The following TRIM49C variants were observed in gnomAD, a reference collection of about 807,000 sequenced individuals.
TRIM49C encodes the protein tripartite motif containing 49C.
Under a neutral mutation model 21.4 loss-of-function variants are expected in TRIM49C, and 6 were observed. The observed-to-expected ratio is 0.28, with a 90% confidence interval of 0.15 to 0.55. The LOEUF (loss-of-function observed/expected upper bound fraction) is 0.55, where lower values mean the gene tolerates loss of function less well. TRIM49C is among the 20% of genes least tolerant of loss of function. TRIM49C has a pLI of 0.94. For missense variants in TRIM49C, 161 were observed against 442.4 expected (o/e 0.36, Z 5.71); for synonymous variants, 57 against 148.1 (o/e 0.38, Z 4.47).
the TRIM49C span, among the ~76,000 whole-genome samples, chr11:90,064,294 A>G: frequency 1.3e-5 from 2 of 151,618 alleles, no homozygotes; most frequent in East Asian, 3.9e-4. Context: ...GTCAATTCAG[A>G]TGATTAGAGA....
chr11:90,070,593 T>A, the TRIM49C span, among the ~76,000 whole-genome samples: 1 of 139,692 alleles, frequency 7.2e-6, no homozygotes, highest in Middle Eastern at 3.6e-3. Flanking sequence ...CTCCTCTCCA[T>A]GAGCGGTAGA....
At chr11:90,070,118 C>T in the TRIM49C span, among the ~76,000 whole-genome samples, 2 of 87,172 alleles carry the variant, frequency 2.3e-5, no homozygotes, top group African/African-American at 9.6e-5. Flanking sequence ...ACCCTACAAA[C>T]GTGCTCAACT....
chr11:90,055,016 A>G, the TRIM49C span, among the ~76,000 whole-genome samples: 3 of 149,624 alleles, frequency 2.0e-5, no homozygotes, highest in African/African-American at 7.4e-5. Flanking sequence ...AAAAGCTCAC[A>G]AACCATAGGA....
chr11:90,041,096 T>A lies in TRIM49C; in HGVS notation c.905T>A (p.Leu302Gln). Residue 302 changes from leucine to glutamine, a missense_variant, in exon 8 of 8, where the codon CTG becomes CAG. Around this residue, in one of 3 missense-constraint regions of TRIM49C, gnomAD observed 80 missense variants for 314.8 expected, o/e 0.25. Transcript: ENST00000448984. ...HHEEANSDIFLYEILRSMCIG... is the reference protein window; with the variant it reads ...HHEEANSDIFQYEILRSMCIG... ...GAAGAAGCCAACAGTGATATCTTTC[T>A]GTATGAAATTTTGAGAAGCATGTGT... The A allele has an allele frequency of 6.3e-7, 1 of 1,594,164 alleles. No individual in the cohort carries two copies. The highest frequency in any genetic ancestry group is 8.6e-7 in the Non-Finnish European group (1 of 1,167,988).
intron 2 of TRIM49C, among the ~76,000 whole-genome samples, chr11:90,033,902 C>CG (rs1360648630): frequency 8.1e-6 from 1 of 124,192 alleles, no homozygotes; most frequent in Non-Finnish European, 1.7e-5. Flanking sequence ...GCCGAGATCA[C>CG]GCCACTGCAT....
chr11:90,048,037 T>G, the TRIM49C span, among the ~76,000 whole-genome samples: 2 of 107,820 alleles, frequency 1.9e-5, 1 homozygote, highest in Non-Finnish European at 3.6e-5. Flanking sequence ...AAGCTTAGTT[T>G]GGCTGGATAT....
the TRIM49C span, chr11:90,062,945 C>G: frequency 7.1e-7 from 1 of 1,408,796 alleles, no homozygotes; most frequent in East Asian, 2.6e-5. Flanking sequence ...GTAGTTCACG[C>G]AAATGCAGCA....
At chr11:90,060,358 T>G in the TRIM49C span, among the ~76,000 whole-genome samples, 1 of 151,824 alleles carries the variant, frequency 6.6e-6, no homozygotes, top group Non-Finnish European at 1.5e-5. Flanking sequence ...TCTGTTTTAG[T>G]GTTTTAATAA....
intron 2 of TRIM49C, among the ~76,000 whole-genome samples, chr11:90,034,006 G>T (rs548288437): frequency 3.1e-5 from 4 of 127,748 alleles, no homozygotes; most frequent in Non-Finnish European, 6.5e-5. Context: ...ACATACATCT[G>T]TCCACAAGCT....
At chr11:90,046,772 T>C (rs1471007265), downstream of TRIM49C, among the ~76,000 whole-genome samples, 1 of 124,768 alleles carries the variant, frequency 8.0e-6, no homozygotes, top group Non-Finnish European at 1.6e-5. Flanking sequence ...TCTCCTTCAG[T>C]TCTGCTCTGA....
chr11:90,056,290 ATTTTG>A, the TRIM49C span, among the ~76,000 whole-genome samples: 1 of 134,960 alleles, frequency 7.4e-6, no homozygotes, highest in Admixed American at 8.4e-5. Flanking sequence ...GTGTAAACTA[ATTTTG>A]TTCTTTCTAC....
the TRIM49C span, among the ~76,000 whole-genome samples, chr11:90,056,161 C>T: frequency 1.5e-5 from 2 of 135,602 alleles, no homozygotes; most frequent in East Asian, 4.8e-4. Context: ...GGGGTTTCAC[C>T]GTGTTAGCCA....
At chr11:90,059,978 A>G in the TRIM49C span, among the ~76,000 whole-genome samples, 1 of 137,434 alleles carries the variant, frequency 7.3e-6, no homozygotes, top group African/African-American at 2.8e-5. Flanking sequence ...GTAATTTTGT[A>G]TTAAGATCTG....
chr11:90,049,143 G>A, the TRIM49C span, among the ~76,000 whole-genome samples: 3 of 123,346 alleles, frequency 2.4e-5, 1 homozygote, highest in Admixed American at 2.7e-4. Context: ...TCTCAGAGGG[G>A]TAAGTGGCCG....
At chr11:90,033,443 A>T (rs753876043) in intron 2 of TRIM49C, among the ~76,000 whole-genome samples, 6 of 135,854 alleles carry the variant, frequency 4.4e-5, no homozygotes, top group Non-Finnish European at 9.6e-5. Context: ...TTATAATACC[A>T]ATATGTTTAC....
At chr11:90,054,410 G>A in the TRIM49C span, among the ~76,000 whole-genome samples, 4 of 136,482 alleles carry the variant, frequency 2.9e-5, no homozygotes, top group African/African-American at 1.0e-4. Context: ...TTCAAGAGGT[G>A]ATTTTATTTA....
Position 90,041,511 on chromosome 11 carries a change from A to G in TRIM49C, c.1320A>G (p.Ser440=). Residue 440 remains serine, a synonymous_variant, in exon 8 of 8, where the codon TCA becomes TCG. Coordinates refer to ENST00000448984, the MANE Select transcript of TRIM49C (RefSeq NM_001195234.1). ...LIYTIPNCSF[S]PPLRPIFCCI... ...ACACCATCCCTAATTGCTCTTTCTC[A>G]CCTCCTCTCAGGCCTATCTTTTGCT... 10 of 1,453,198 alleles carry G rather than the reference A, an allele frequency of 6.9e-6. No homozygotes were observed. The highest frequency in any genetic ancestry group is 2.1e-4 in the Middle Eastern group (1 of 4,668). The allele number at this position is 1,453,198 out of a possible 1,614,324, so 90.0% of individuals were successfully genotyped here.
At chr11:90,071,744 C>T in the TRIM49C span, 31 of 1,258,726 alleles carry the variant, frequency 2.5e-5, 4 homozygotes, top group South Asian at 6.3e-5. Context: ...ATCCAGAGCT[C>T]CCTACAGGGC....
At chr11:90,071,535 G>A in the TRIM49C span, among the ~76,000 whole-genome samples, 1 of 143,250 alleles carries the variant, frequency 7.0e-6, no homozygotes, top group Non-Finnish European at 1.5e-5. Context: ...TAGAAACGGA[G>A]TGAAGAGTTA....
Sources: gnomAD v4.1 joint callset for allele counts (sites outside exome capture counted in the v4.1 genomes callset) on GRCh38, gnomAD v4.1.1 for gene constraint, gnomAD v4.1.1 regional missense constraint, MANE v1.5 for transcripts, NCBI Gene and HGNC (gene_info 2026-07-23, HGNC 2026-07-21) for gene names.